Variants in CSMD1 observed in about 807,000 individuals in gnomAD.
The protein encoded by CSMD1 is CUB and sushi domain-containing protein 1.
Under a neutral mutation model 417.5 loss-of-function variants are expected in CSMD1, and 213 were observed. The observed-to-expected ratio is 0.51, with a 90% CI of 0.46 to 0.57. The LOEUF is 0.57. CSMD1 is among the 20% of genes least tolerant of loss of function. The probability of loss-of-function intolerance (pLI) is 0.00; values close to 1 mark genes in which losing one functional copy is unlikely to be tolerated. For synonymous variants in CSMD1, 2,862 were observed against 1,736.8 expected (o/e 1.65, Z -16.11); for missense variants, 6,923 against 4,529.7 (o/e 1.53, Z -15.17).
rs922763638 is a variant in CSMD1, at chr8:3,076,269, C to T, written c.7474+10828G>A. Among the ~76,000 whole-genome samples the T allele has an allele frequency of 6.3e-5, 5 of 79,510 alleles. No individual in the cohort carries two copies. In the South Asian group the frequency reaches 1.4e-3, roughly 22 times the overall value. The allele number at this position is 79,510 out of a possible 152,430, so 52.2% of individuals were successfully genotyped here. A position where few individuals can be genotyped will look rare whatever the true frequency, so the allele number is the denominator to read the frequency against. On this transcript the variant is annotated intron_variant, in intron 49 of 69. Transcript: ENST00000635120. Reference sequence around the variant, plus strand: ...GTAGACATCATCTTCTTGCTGTGTCCCTGCATGGTCGCCCCTCTGTGCACC... The same window carrying T: ...GTAGACATCATCTTCTTGCTGTGTCTCTGCATGGTCGCCCCTCTGTGCACC...
In CSMD1 at chr8:4,545,058, G is replaced by C. The variant is rs537063322; in HGVS notation, c.302+92284C>G. ...ACCCATTTAAACAATATACGTGTGT[G>C]TGCACACATATGTGTGTATGATGTA... On this transcript the variant is annotated intron_variant, in intron 2 of 69. Transcript: ENST00000635120. Among the ~76,000 whole-genome samples the C allele has an allele frequency of 2.0e-5, 3 of 152,324 alleles. No homozygotes were observed. The South Asian group carries it at 6.2e-4, about 32-fold the overall frequency.
At chr8:3,517,173 C>A (rs1228703110) in intron 10 of CSMD1, among the ~76,000 whole-genome samples, 1 of 152,146 alleles carries the variant, frequency 6.6e-6, no homozygotes, top group Non-Finnish European at 1.5e-5. Flanking sequence ...CTTCTCATGC[C>A]TGTCACCAGA....
At chr8:4,157,412 T>A (rs1475837788) in intron 3 of CSMD1, among the ~76,000 whole-genome samples, 1 of 152,130 alleles carries the variant, frequency 6.6e-6, no homozygotes, top group Non-Finnish European at 1.5e-5. Context: ...AATTTTCTAT[T>A]TTCGTCCTTT....
chr8:4,676,268 C>A (rs1805675932), intron 1 of CSMD1, among the ~76,000 whole-genome samples: 1 of 152,260 alleles, frequency 6.6e-6, no homozygotes, highest in Non-Finnish European at 1.5e-5. Context: ...GACACCCTCC[C>A]TCTATATATT....
intron 40 of CSMD1, among the ~76,000 whole-genome samples, chr8:3,144,349 A>T (rs888445868): frequency 2.0e-5 from 3 of 152,162 alleles, no homozygotes; most frequent in Admixed American, 1.3e-4. Context: ...GGAGAAAATC[A>T]GTTTGTATTA....
At chr8:4,742,810 A>G (rs914863097) in intron 1 of CSMD1, among the ~76,000 whole-genome samples, 4 of 152,190 alleles carry the variant, frequency 2.6e-5, no homozygotes, top group African/African-American at 9.7e-5. Flanking sequence ...AATCGCAGAA[A>G]ATTTTTCTGT....
chr8:3,792,222 G>C (rs1036867735), intron 5 of CSMD1, among the ~76,000 whole-genome samples: 1 of 152,080 alleles, frequency 6.6e-6, no homozygotes, highest in African/African-American at 2.4e-5. Context: ...AAGCCCAGGA[G>C]GGCGAGGCTG....
intron 12 of CSMD1, among the ~76,000 whole-genome samples, chr8:3,462,282 C>T (rs1349117043): frequency 6.6e-6 from 1 of 152,154 alleles, no homozygotes; most frequent in African/African-American, 2.4e-5. Context: ...TATACAGTGC[C>T]ATCCTAGCTC....
chr8:4,931,539 C>T (rs772490229), intron 1 of CSMD1, among the ~76,000 whole-genome samples: 13 of 151,760 alleles, frequency 8.6e-5, no homozygotes, highest in Non-Finnish European at 1.6e-4. Context: ...AGGTGACTGC[C>T]TTGGAGGATC....
At chr8:4,078,257 A>C (rs1799936524) in intron 3 of CSMD1, among the ~76,000 whole-genome samples, 1 of 151,470 alleles carries the variant, frequency 6.6e-6, no homozygotes, top group Non-Finnish European at 1.5e-5. Context: ...ACGTAATTGC[A>C]CTATGCATTG....
chr8:3,652,128 C>T (rs532243450), intron 7 of CSMD1, among the ~76,000 whole-genome samples: 27 of 101,056 alleles, frequency 2.7e-4, no homozygotes, highest in South Asian at 2.2e-3. Flanking sequence ...ACCATCAGAG[C>T]GCTTACCACC....
intron 1 of CSMD1, among the ~76,000 whole-genome samples, chr8:4,856,171 A>C (rs1352953427): frequency 1.4e-5 from 2 of 144,620 alleles, no homozygotes; most frequent in South Asian, 4.6e-4. Flanking sequence ...ACTAAGCTTC[A>C]TAAGTGAAGG....
At chr8:4,389,570 G>T (rs959393483) in intron 3 of CSMD1, among the ~76,000 whole-genome samples, 1 of 152,088 alleles carries the variant, frequency 6.6e-6, no homozygotes, top group Non-Finnish European at 1.5e-5. Context: ...AAAAGAACAA[G>T]AGATGTTTAA....
intron 49 of CSMD1, among the ~76,000 whole-genome samples, chr8:3,065,918 T>A (rs146320421): frequency 0.012 from 1,779 of 152,252 alleles, 38 homozygotes; most frequent in African/African-American, 0.04. Flanking sequence ...TCTACAGCTT[T>A]GAGGTTATCA....
In CSMD1 at chr8:4,580,861, C is replaced by T. The variant is rs924878883; in HGVS notation, c.302+56481G>A. On this transcript the variant is annotated intron_variant, in intron 2 of 69. Transcript: ENST00000635120. The stretch of plus-strand genomic sequence containing the variant: ...CGCTTCATACTGGATTGTAAATTCA[C>T]GGAATGCAAATAATTTATTGCATTT... Among the ~76,000 whole-genome samples, 7 of 152,286 alleles carry T rather than the reference C, an allele frequency of 4.6e-5. 1 individual carries two copies. Among genetic ancestry groups the T allele is most frequent in the South Asian group, 4.1e-4 (2 of 4,822 alleles).
chr8:4,921,925 T>C (rs186012236), intron 1 of CSMD1, among the ~76,000 whole-genome samples: 4 of 152,330 alleles, frequency 2.6e-5, no homozygotes, highest in East Asian at 1.9e-4. Flanking sequence ...TCCAGCCTTC[T>C]GAACGTACCC....
intron 69 of CSMD1, among the ~76,000 whole-genome samples, chr8:2,941,080 C>T (rs778893543): frequency 5.9e-5 from 9 of 152,168 alleles, no homozygotes; most frequent in Non-Finnish European, 8.8e-5. Context: ...TAAGGCTCAT[C>T]GGACTTGTGT....
chr8:3,373,349 G>C (rs1046414857), intron 18 of CSMD1: 2 of 152,232 alleles, frequency 1.3e-5, no homozygotes, highest in African/African-American at 4.8e-5. Flanking sequence ...GCCATCAGGA[G>C]AAAGTCAGAC....
chr8:3,716,007 A>C (rs1801809442), intron 6 of CSMD1, among the ~76,000 whole-genome samples: 1 of 152,092 alleles, frequency 6.6e-6, no homozygotes, highest in Non-Finnish European at 1.5e-5. Flanking sequence ...CTTAAATCTC[A>C]TCAGCTGTAA....
Sources: allele counts gnomAD v4.1 joint callset (sites outside exome capture counted in the v4.1 genomes callset), GRCh38; gene constraint gnomAD v4.1.1; transcripts MANE v1.5; gene names NCBI Gene and HGNC (gene_info 2026-07-23, HGNC 2026-07-21).